Variants in GRIK2 observed in about 807,000 individuals in gnomAD.
GRIK2 encodes glutamate receptor ionotropic, kainate 2.
In GRIK2, 32 loss-of-function variants were observed where a neutral mutation model predicts 100.3. The ratio of observed to expected loss-of-function variants is 0.32; its 90% CI spans 0.24 to 0.43. The LOEUF is 0.43. Ranked by LOEUF, GRIK2 falls within the 20% of genes least tolerant of loss-of-function variation. The pLI is 1.00. For synonymous variants in GRIK2, 417 were observed against 389.4 expected, an observed-to-expected ratio of 1.07 and a Z score of -0.83; for missense variants, 843 against 1,114.9, an observed-to-expected ratio of 0.76 and a Z score of 3.47.
chr6:101,402,683 T>C (rs1048571903), intron 2 of GRIK2, among the ~76,000 whole-genome samples: 1 of 152,154 alleles, frequency 6.6e-6, no homozygotes, highest in African/African-American at 2.4e-5. Context: ...AGGTGCATTT[T>C]AGAGAGTCAG....
At chr6:101,674,935 T>G (rs1471226266) in intron 4 of GRIK2, among the ~76,000 whole-genome samples, 1 of 152,196 alleles carries the variant, frequency 6.6e-6, no homozygotes, top group Non-Finnish European at 1.5e-5. Flanking sequence ...TGGAGTATAA[T>G]GTAATGTTTT....
chr6:101,480,057 C>T (rs1033718720), intron 2 of GRIK2, among the ~76,000 whole-genome samples: 11 of 152,110 alleles, frequency 7.2e-5, no homozygotes, highest in African/African-American at 2.2e-4. Context: ...AGTCCAATTC[C>T]TTCCCTAAGA....
chr6:101,605,112 C>T (rs1386640728), intron 2 of GRIK2, among the ~76,000 whole-genome samples: 1 of 151,888 alleles, frequency 6.6e-6, no homozygotes, highest in African/African-American at 2.4e-5. Context: ...TTTTTTACCA[C>T]CTCTCAACAC....
rs139193323 is a variant in GRIK2, at chr6:101,442,745, G to A, written c.115+43353G>A. Among the ~76,000 whole-genome samples the A allele has an allele frequency of 6.0e-3, 911 of 152,180 alleles. 4 individuals are homozygous for A. The highest frequency in any genetic ancestry group is 0.021 in the African/African-American group (881 of 41,528). On this transcript the variant is annotated intron_variant, in intron 2 of 16. Transcript: ENST00000369134. The stretch of plus-strand genomic sequence containing the variant: ...CTACCTTTATAGCATGAAAGTAGCC[G>A]TAGCCAATACATAAATGATTGGTCC...
At chr6:101,718,142 T>C (rs1331833464) in intron 7 of GRIK2, among the ~76,000 whole-genome samples, 1 of 151,826 alleles carries the variant, frequency 6.6e-6, no homozygotes, top group African/African-American at 2.4e-5. Context: ...TGAAAACTGA[T>C]GCTAATTGAA....
At chr6:101,525,745 T>C (rs1775119713) in intron 2 of GRIK2, among the ~76,000 whole-genome samples, 1 of 152,198 alleles carries the variant, frequency 6.6e-6, no homozygotes, top group Non-Finnish European at 1.5e-5. Flanking sequence ...ATTTCAAACA[T>C]GACCTGAGTG....
At chr6:101,503,217 A>C (rs1361739475) in intron 2 of GRIK2, among the ~76,000 whole-genome samples, 2 of 152,144 alleles carry the variant, frequency 1.3e-5, no homozygotes, top group African/African-American at 4.8e-5. Context: ...TTTGTTTAGC[A>C]TAGAGATAAA....
Position 101,645,485 on chromosome 6 carries a change from G to C in GRIK2, c.541+18848G>C, listed in dbSNP as rs116685230. ...ATATAAAATAAGTGGCACATAGTAC[G>C]TTAAACAATAAAGATGGGAGAGGCC... On this transcript the variant is annotated intron_variant, in intron 4 of 16. Transcript: ENST00000369134. Among the ~76,000 whole-genome samples, 568 of 151,916 alleles carry C rather than the reference G, an allele frequency of 3.7e-3. 4 individuals are homozygous for C. The highest frequency in any genetic ancestry group is 0.013 in the African/African-American group (539 of 41,512).
intron 12 of GRIK2, 33 bp downstream of exon 12, chr6:101,889,896 A>G (rs1244111390): frequency 1.7e-6 from 2 of 1,192,136 alleles, no homozygotes; most frequent in South Asian, 2.4e-5. Flanking sequence ...TTTTTTGGCA[A>G]TTGTTACCTC....
chr6:102,021,057 T>C (rs1435768343), intron 14 of GRIK2, among the ~76,000 whole-genome samples: 3 of 151,844 alleles, frequency 2.0e-5, no homozygotes, highest in African/African-American at 7.2e-5. Flanking sequence ...ATATGGGAAG[T>C]AAAGATGGTA....
chr6:101,942,774 T>A (rs1791034943), intron 14 of GRIK2, among the ~76,000 whole-genome samples: 1 of 152,182 alleles, frequency 6.6e-6, no homozygotes, highest in South Asian at 2.1e-4. Flanking sequence ...AAAGAGATGG[T>A]CTGAAATTAG....
chr6:101,870,716 G>GA lies in GRIK2; in HGVS notation c.1524+11232dup, dbSNP rs201864535. 1.7e-3 allele frequency among the ~76,000 whole-genome samples: 258 copies of GA among 150,182 alleles called. 2 individuals are homozygous for GA. The highest frequency in any genetic ancestry group is 6.1e-3 in the African/African-American group (248 of 40,932). ...TATAATATTATCACACTTTCCTTCA[G>GA]AAAAAAAAATTGGGTAAAGTTGGTA... On this transcript the variant is annotated intron_variant, in intron 11 of 16. Coordinates refer to ENST00000369134, the MANE Select transcript of GRIK2 (RefSeq NM_021956.5).
chr6:101,519,301 G>A (rs1170648493), intron 2 of GRIK2, among the ~76,000 whole-genome samples: 5 of 8,902 alleles, frequency 5.6e-4, no homozygotes, highest in African/African-American at 3.7e-3. Flanking sequence ...GGAGTTAAAC[G>A]TGTGTGTGTG....
intron 12 of GRIK2, among the ~76,000 whole-genome samples, chr6:101,916,807 G>A (rs574138202): frequency 5.9e-5 from 9 of 151,780 alleles, no homozygotes; most frequent in African/African-American, 1.9e-4. Context: ...ATCAGGTGAT[G>A]TTATTATTCA....
chr6:101,908,759 T>C (rs1352866125), intron 12 of GRIK2, among the ~76,000 whole-genome samples: 1 of 148,608 alleles, frequency 6.7e-6, no homozygotes, highest in African/African-American at 2.5e-5. Flanking sequence ...AAAAGACAGA[T>C]AAGATAGGAA....
chr6:101,989,987 T>C (rs931673682), intron 14 of GRIK2, among the ~76,000 whole-genome samples: 8 of 151,642 alleles, frequency 5.3e-5, no homozygotes, highest in African/African-American at 1.9e-4. Flanking sequence ...TTAGAGGAAA[T>C]GTGAGATTGG....
intron 2 of GRIK2, among the ~76,000 whole-genome samples, chr6:101,448,380 T>C (rs1184237234): frequency 1.3e-5 from 2 of 151,618 alleles, no homozygotes; most frequent in Non-Finnish European, 3.0e-5. Context: ...AAGTTATTTA[T>C]GGGGGAAAAA....
intron 12 of GRIK2, among the ~76,000 whole-genome samples, chr6:101,895,636 A>G (rs2128459541): frequency 6.6e-6 from 1 of 151,914 alleles, no homozygotes; most frequent in East Asian, 1.9e-4. Flanking sequence ...ATCCGCTGTC[A>G]AAACGACTGT....
chr6:101,594,186 T>C (rs1022969577), intron 2 of GRIK2, among the ~76,000 whole-genome samples: 1 of 151,852 alleles, frequency 6.6e-6, no homozygotes, highest in Non-Finnish European at 1.5e-5. Flanking sequence ...TAAAATGTTA[T>C]ACCAAGCACT....
Sources: allele counts gnomAD v4.1 joint callset (sites outside exome capture counted in the v4.1 genomes callset), GRCh38; gene constraint gnomAD v4.1.1; transcripts MANE v1.5; gene names NCBI Gene and HGNC (gene_info 2026-07-23, HGNC 2026-07-21).